The following SLC25A35 variants were observed in gnomAD, a reference collection of about 807,000 sequenced individuals.
The protein encoded by SLC25A35 is solute carrier family 25, member 35.
SLC25A35 carries 32 observed loss-of-function variants against 30.5 expected under a neutral mutation model. That is an observed-to-expected ratio of 1.05 (90% CI 0.79 to 1.41). SLC25A35 has a LOEUF of 1.41. Ranked by LOEUF, SLC25A35 falls within the 40% of genes most tolerant of loss-of-function variation. The probability of loss-of-function intolerance (pLI) is 0.00; values close to 1 mark genes in which losing one functional copy is unlikely to be tolerated. For synonymous variants in SLC25A35, 142 were observed against 158.1 expected, an observed-to-expected ratio of 0.90 and a Z score of 0.77; for missense variants, 369 against 388.0, an observed-to-expected ratio of 0.95 and a Z score of 0.41.
At position 8,294,991 on chromosome 17, in the gene SLC25A35, T is replaced by G. The variant is rs1157116152; in HGVS notation, c.-184A>C. 7.1e-7 allele frequency: 1 copy of G among 1,401,400 alleles called. No individual in the cohort carries two copies. The highest frequency in any genetic ancestry group is 9.2e-7 in the Non-Finnish European group (1 of 1,082,664). 86.8% of individuals were successfully genotyped at this position (1,401,400 alleles called of 1,614,324 possible). ...AAGTGGTCAAACGTCAGCTGGAATT[T>G]GGGAGTCAAGAGCTGGCAAGCAGGG... On this transcript the variant is annotated 5_prime_UTR_variant, in exon 1 of 5. Transcript: ENST00000577745.
chr17:8,291,185 G>A, intron 3 of SLC25A35, 148 bp downstream of exon 3: 1 of 1,322,052 alleles, frequency 7.6e-7, no homozygotes, highest in South Asian at 1.4e-5. Flanking sequence ...CAAGAGAACT[G>A]TGGGAAGGGT....
In SLC25A35 at chr17:8,290,564, T is replaced by C; in HGVS notation, c.844A>G (p.Ile282Val). 6.5e-7 allele frequency: 1 copy of C among 1,535,956 alleles called. No individual in the cohort carries two copies. The highest frequency in any genetic ancestry group is 1.2e-5 in the South Asian group (1 of 84,056). Residue 282 changes from isoleucine (I) to valine (V), a missense_variant, in exon 5 of 5, where the codon ATC (isoleucine) becomes GTC (valine). Ile to Val is a conservative substitution (Grantham distance 29). Coordinates refer to ENST00000577745, the MANE Select transcript of SLC25A35 (RefSeq NM_001320870.2). ...ASYFRLGPHT[I>V]LSLFFWDQLR... ...TGGTCCCAGAAGAAGAGGGAGAGGATGGTGTGGGGGCCGAGGCGGAAGTAG... is the reference window on the plus strand; with the variant it reads ...TGGTCCCAGAAGAAGAGGGAGAGGACGGTGTGGGGGCCGAGGCGGAAGTAG...
At chr17:8,289,704 C>G, downstream of SLC25A35, 2 of 1,612,150 alleles carry the variant, frequency 1.2e-6, no homozygotes, top group East Asian at 4.5e-5. Flanking sequence ...AGGAGTGGGC[C>G]AGAGGTTTGG....
chr17:8,292,435 C>T (rs542991605), intron 2 of SLC25A35, 88 bp downstream of exon 2: 1 of 1,308,166 alleles, frequency 7.6e-7, no homozygotes, highest in East Asian at 2.3e-5. Context: ...AGAGCAGTGG[C>T]TGGGATTGGA....
chr17:8,288,914 A>T (rs777029124), downstream of SLC25A35: 6 of 1,613,768 alleles, frequency 3.7e-6, no homozygotes, highest in South Asian at 1.1e-5. Flanking sequence ...GGGTTGTGGG[A>T]AGAGACCGGG....
In SLC25A35 at chr17:8,294,890, A is replaced by G; in HGVS notation, c.-83T>C. ...GAAAGCGGGGTTGGAAGACAGGGGG[A>G]AGGCCTGTTTCAGCAGTACAGGTTG... On this transcript the variant is annotated 5_prime_UTR_variant, in exon 1 of 5. Transcript: ENST00000577745. 1 of 1,507,556 alleles carries G rather than the reference A, an allele frequency of 6.6e-7. No homozygotes were observed. Among genetic ancestry groups the G allele is most frequent in the Non-Finnish European group, 8.8e-7 (1 of 1,132,724 alleles). 93.4% of individuals were successfully genotyped at this position (1,507,556 alleles called of 1,614,324 possible). A position where few individuals can be genotyped will look rare whatever the true frequency, so the allele number is the denominator to read the frequency against.
intron 1 of SLC25A35, among the ~76,000 whole-genome samples, chr17:8,294,119 G>T (rs1990699813): frequency 6.6e-6 from 1 of 151,272 alleles, no homozygotes; most frequent in Non-Finnish European, 1.5e-5. Context: ...GTTTCACTGT[G>T]TTAGCCAGGA....
At chr17:8,289,313 T>G (rs755244411), downstream of SLC25A35, 3 of 1,613,736 alleles carry the variant, frequency 1.9e-6, no homozygotes, top group Non-Finnish European at 2.5e-6. Context: ...CCATGTGGAG[T>G]CTGTTCAGCC....
intron 2 of SLC25A35, 109 bp from the exon 3 acceptor site, chr17:8,291,594 C>A: frequency 7.1e-7 from 1 of 1,415,614 alleles, no homozygotes; most frequent in Non-Finnish European, 9.5e-7. Flanking sequence ...TCCAGACAAC[C>A]AGTTCAATGT....
At chr17:8,293,195 T>C (rs1990622806) in intron 1 of SLC25A35, among the ~76,000 whole-genome samples, 1 of 152,196 alleles carries the variant, frequency 6.6e-6, no homozygotes, top group African/African-American at 2.4e-5. Flanking sequence ...AGTGGGTCAC[T>C]TCCCCTTTCT....
chr17:8,293,705 C>A (rs1327413966), intron 1 of SLC25A35, among the ~76,000 whole-genome samples: 2 of 151,030 alleles, frequency 1.3e-5, no homozygotes, highest in Non-Finnish European at 2.9e-5. Context: ...GCGCCCACCA[C>A]CACGCCCGGC....
downstream of SLC25A35, chr17:8,289,282 C>T: frequency 1.2e-6 from 2 of 1,613,872 alleles, no homozygotes; most frequent in South Asian, 1.1e-5. Flanking sequence ...ATGTTGGTGG[C>T]GTGCAGGGGG....
intron 3 of SLC25A35, 84 bp from the exon 4 acceptor site, chr17:8,291,060 G>C: frequency 6.4e-7 from 1 of 1,552,642 alleles, no homozygotes; most frequent in Non-Finnish European, 8.8e-7. Flanking sequence ...TGGGGACACA[G>C]ATGCTGGTAA....
chr17:8,291,058 C>A, intron 3 of SLC25A35, 82 bp from the exon 4 acceptor site: 1 of 1,554,594 alleles, frequency 6.4e-7, no homozygotes. Flanking sequence ...CCTGGGGACA[C>A]AGATGCTGGT....
chr17:8,288,688 G>C (rs1223676019), downstream of SLC25A35: 1 of 1,327,682 alleles, frequency 7.5e-7, no homozygotes, highest in Non-Finnish European at 1.1e-6. Context: ...AGCCAGACCC[G>C]GGTGGCGGTG....
In SLC25A35 at chr17:8,294,938, G is replaced by T; in HGVS notation, c.-131C>A. ...TTGCAGAAGATAAGAATTTAGATTT[G>T]CAGTCAAGGGTGTCAGGGTCAAATG... On this transcript the variant is annotated 5_prime_UTR_variant, in exon 1 of 5. Coordinates refer to ENST00000577745, the MANE Select transcript of SLC25A35 (RefSeq NM_001320870.2). 6.9e-7 allele frequency: 1 copy of T among 1,451,198 alleles called. No homozygotes were observed. Among genetic ancestry groups the T allele is most frequent in the Admixed American group, 2.8e-5 (1 of 36,204 alleles). The allele number at this position is 1,451,198 out of a possible 1,614,324, so 89.9% of individuals were successfully genotyped here.
downstream of SLC25A35, chr17:8,289,283 G>A (rs1990290127): frequency 1.2e-6 from 2 of 1,613,794 alleles, no homozygotes; most frequent in African/African-American, 1.3e-5. Context: ...TGTTGGTGGC[G>A]TGCAGGGGGC....
Position 8,291,312 on chromosome 17 carries a change from C to A in SLC25A35, c.594+21G>T, listed in dbSNP as rs572798012. 9 of 1,613,184 alleles carry A rather than the reference C, an allele frequency of 5.6e-6. No individual in the cohort carries two copies. In the African/African-American group the frequency reaches 1.2e-4, roughly 21 times the overall value. ...CCTTCCCCCCTTCCCGAAACAGACC[C>A]ACCCATTTCCCAGGCAGTACCTCCC... On this transcript the variant is annotated intron_variant, in intron 3 of 4. Transcript: ENST00000577745.
At chr17:8,288,252 T>A (rs914476679), downstream of SLC25A35, 2 of 174,602 alleles carry the variant, frequency 1.1e-5, no homozygotes, top group Non-Finnish European at 2.5e-5. Flanking sequence ...TGGGCAAGAT[T>A]GGGAGACACT....
Sources: allele counts gnomAD v4.1 joint callset (sites outside exome capture counted in the v4.1 genomes callset), GRCh38; gene constraint gnomAD v4.1.1; transcripts MANE v1.5; gene names NCBI Gene and HGNC (gene_info 2026-07-23, HGNC 2026-07-21).